ENOX1: variants seen among roughly 807,000 people sequenced by gnomAD.
The protein encoded by ENOX1 is candidate growth-related and time keeping constitutive hydroquinone (NADH) oxidase.
Under a neutral mutation model 82.5 loss-of-function variants are expected in ENOX1, and 42 were observed. The observed-to-expected ratio is 0.51, with a 90% CI of 0.40 to 0.66. The LOEUF (loss-of-function observed/expected upper bound fraction) is 0.66. Among genes scored for constraint, ENOX1 ranks in the 30% least tolerant of loss-of-function variants. The pLI is 0.00. For missense variants in ENOX1, 608 were observed against 811.6 expected (o/e 0.75, Z 3.05); for synonymous variants, 271 against 282.2 (o/e 0.96, Z 0.40).
chr13:43,513,307 G>A (rs2077440522), intron 2 of ENOX1, among the ~76,000 whole-genome samples: 1 of 152,052 alleles, frequency 6.6e-6, no homozygotes, highest in Non-Finnish European at 1.5e-5. Context: ...GGGGAAGAAA[G>A]GGTGTAAAAC....
intron 9 of ENOX1, among the ~76,000 whole-genome samples, chr13:43,333,929 T>C (rs1196446981): frequency 1.3e-5 from 2 of 152,258 alleles, no homozygotes; most frequent in African/African-American, 2.4e-5. Flanking sequence ...AGCCCTGTGA[T>C]AGGCAATTTC....
intron 3 of ENOX1, among the ~76,000 whole-genome samples, chr13:43,424,117 T>A (rs1248169775): frequency 6.6e-6 from 1 of 152,244 alleles, no homozygotes; most frequent in Non-Finnish European, 1.5e-5. Context: ...AGCATAATTT[T>A]GTATGCATAC....
chr13:43,700,948 G>C (rs2086875490), intron 1 of ENOX1, among the ~76,000 whole-genome samples: 1 of 151,952 alleles, frequency 6.6e-6, no homozygotes, highest in South Asian at 2.1e-4. Flanking sequence ...TTCACACATG[G>C]AATTTTAAAA....
At chr13:43,674,580 G>A (rs1204059180) in intron 1 of ENOX1, among the ~76,000 whole-genome samples, 2 of 152,268 alleles carry the variant, frequency 1.3e-5, no homozygotes, top group East Asian at 3.9e-4. Flanking sequence ...GGGTTGTGGG[G>A]GAGGGAAGGG....
intron 3 of ENOX1, among the ~76,000 whole-genome samples, chr13:43,444,168 C>A (rs1024265147): frequency 2.6e-5 from 4 of 152,132 alleles, no homozygotes; most frequent in African/African-American, 9.7e-5. Context: ...AATAGCACCC[C>A]TTTTCAGTCT....
intron 2 of ENOX1, among the ~76,000 whole-genome samples, chr13:43,658,962 T>C (rs927858448): frequency 2.6e-5 from 4 of 152,316 alleles, no homozygotes; most frequent in African/African-American, 9.6e-5. Context: ...TTTGATGGTT[T>C]TCTGTCCTCC....
intron 2 of ENOX1, among the ~76,000 whole-genome samples, chr13:43,624,138 A>G (rs2082866304): frequency 6.6e-6 from 1 of 152,138 alleles, no homozygotes; most frequent in Non-Finnish European, 1.5e-5. Flanking sequence ...ATATAGTGAT[A>G]CTCATTGTGA....
intron 9 of ENOX1, among the ~76,000 whole-genome samples, chr13:43,338,000 A>T (rs1448966269): frequency 6.6e-6 from 1 of 152,114 alleles, no homozygotes; most frequent in East Asian, 1.9e-4. Context: ...ATGTTAATCA[A>T]CCCTTCTGCA....
intron 1 of ENOX1, among the ~76,000 whole-genome samples, chr13:43,741,909 T>G (rs1252016726): frequency 1.3e-5 from 2 of 152,230 alleles, no homozygotes; most frequent in Non-Finnish European, 2.9e-5. Flanking sequence ...TGAATTAATT[T>G]TTGCATATGG....
intron 2 of ENOX1, among the ~76,000 whole-genome samples, chr13:43,581,427 C>T (rs1479395105): frequency 1.3e-5 from 2 of 152,108 alleles, no homozygotes; most frequent in African/African-American, 2.4e-5. Flanking sequence ...CCACCGCGCC[C>T]GGCCCACTAC....
chr13:43,756,545 G>A (rs1262787545), intron 1 of ENOX1, among the ~76,000 whole-genome samples: 2 of 145,424 alleles, frequency 1.4e-5, no homozygotes, highest in East Asian at 4.4e-4. Context: ...GAGGGGAGGG[G>A]AGGCAGAGAG....
chr13:43,377,491 T>A (rs9567167), intron 5 of ENOX1, among the ~76,000 whole-genome samples: 17,719 of 152,230 alleles, frequency 0.12, 1,110 homozygotes, highest in East Asian at 0.27. Flanking sequence ...TTTGTGATTG[T>A]TTTGGATCGT....
intron 1 of ENOX1, among the ~76,000 whole-genome samples, chr13:43,695,869 C>T (rs2086618125): frequency 6.6e-6 from 1 of 152,130 alleles, no homozygotes; most frequent in African/African-American, 2.4e-5. Context: ...CAGAGTTCGG[C>T]AATTATCACC....
intron 2 of ENOX1, among the ~76,000 whole-genome samples, chr13:43,555,894 A>C (rs1047741704): frequency 6.6e-6 from 1 of 152,214 alleles, no homozygotes; most frequent in African/African-American, 2.4e-5. Flanking sequence ...GCTAGGGATG[A>C]CATACTGCTT....
rs569536226 is a variant in ENOX1 at position 43,233,156 on chromosome 13, A to C, written c.1714+3480T>G. On this transcript the variant is annotated intron_variant, in intron 15 of 16. Coordinates refer to ENST00000690772, the MANE Select transcript of ENOX1 (RefSeq NM_001347969.2). ...TGACCTTATGTGTGGTTACTATAGCATTATGAAACAAAATGCTACCCTGCA... is the reference window on the plus strand; with the variant it reads ...TGACCTTATGTGTGGTTACTATAGCCTTATGAAACAAAATGCTACCCTGCA... Among the ~76,000 whole-genome samples the C allele has an allele frequency of 1.3e-5, 2 of 152,232 alleles. 1 individual carries two copies. The highest frequency in any genetic ancestry group is 4.1e-4 in the South Asian group (2 of 4,834).
At chr13:43,521,393 CA>C (rs1431318883) in intron 2 of ENOX1, among the ~76,000 whole-genome samples, 1 of 152,008 alleles carries the variant, frequency 6.6e-6, no homozygotes, top group Non-Finnish European at 1.5e-5. Context: ...CAGTATTATC[CA>C]AAGACTGATA....
intron 2 of ENOX1, among the ~76,000 whole-genome samples, chr13:43,521,070 A>C (rs1593609684): frequency 6.6e-6 from 1 of 152,180 alleles, no homozygotes; most frequent in Admixed American, 6.5e-5. Context: ...CTATTTTTCA[A>C]ACAAAACCCA....
intron 3 of ENOX1, among the ~76,000 whole-genome samples, chr13:43,434,636 G>A (rs941263908): frequency 2.6e-5 from 4 of 152,186 alleles, no homozygotes; most frequent in African/African-American, 9.6e-5. Context: ...TTTGAGTCAT[G>A]TGAAATTGAT....
At chr13:43,511,293 G>C (rs911483940) in intron 2 of ENOX1, among the ~76,000 whole-genome samples, 3 of 152,118 alleles carry the variant, frequency 2.0e-5, no homozygotes, top group African/African-American at 7.2e-5. Flanking sequence ...ATATAAAACA[G>C]TTTCAATTTT....
Sources: allele counts gnomAD v4.1 joint callset (sites outside exome capture counted in the v4.1 genomes callset), GRCh38; gene constraint gnomAD v4.1.1; transcripts MANE v1.5; gene names NCBI Gene and HGNC (gene_info 2026-07-23, HGNC 2026-07-21).